Variants in TACC2 observed in about 807,000 individuals in gnomAD.
TACC2 encodes transforming acidic coiled-coil-containing protein 2.
TACC2 carries 137 observed loss-of-function variants against 227.3 expected under a neutral mutation model. The observed-to-expected ratio is 0.60, with a 90% CI of 0.52 to 0.69. The LOEUF is 0.69. Among genes scored for constraint, TACC2 ranks in the 30% least tolerant of loss-of-function variants. The pLI is 0.00. For missense variants in TACC2, 3,470 were observed against 3,694.4 expected, an observed-to-expected ratio of 0.94 and a Z score of 1.57; for synonymous variants, 1,523 against 1,487.5, an observed-to-expected ratio of 1.02 and a Z score of -0.55.
At position 122,083,484 on chromosome 10, in the gene TACC2, T is replaced by G. The variant is rs1209705359; in HGVS notation, c.984T>G (p.Ala328=). The change falls in exon 4 of 23, where the codon GCT becomes GCG. Residue 328 remains alanine (A), a synonymous_variant. Coordinates refer to ENST00000369005, the MANE Select transcript of TACC2 (RefSeq NM_206862.4). ...CCCCAGAAGCAGAAGTGAATGCCGC[T>G]TCCCAGGAGAGCTGCCAGCAGCCAG... The part of the protein sequence containing the change: ...GAAPEAEVNA[A]SQESCQQPVG... 3.1e-6 allele frequency: 5 copies of G among 1,613,106 alleles called. No individual in the cohort carries two copies. In the East Asian group the frequency reaches 8.9e-5, roughly 29 times the overall value.
At chr10:122,057,649 A>G (rs1262354835) in intron 3 of TACC2, among the ~76,000 whole-genome samples, 1 of 54,894 alleles carries the variant, frequency 1.8e-5, no homozygotes, top group Non-Finnish European at 4.6e-5. Context: ...CTAAAAATAA[A>G]AAATTAAAAA....
At chr10:122,098,425 G>T (rs1407068158) in intron 5 of TACC2, among the ~76,000 whole-genome samples, 1 of 152,154 alleles carries the variant, frequency 6.6e-6, no homozygotes, top group Admixed American at 6.5e-5. Flanking sequence ...TATCAGGTGA[G>T]TCTGAGGGTT....
chr10:122,117,558 A>G (rs1189930286), intron 5 of TACC2, among the ~76,000 whole-genome samples: 1 of 152,094 alleles, frequency 6.6e-6, no homozygotes. Context: ...ACACACGAAT[A>G]TGGGGCTCTT....
chr10:122,029,426 A>G (rs1324631604), intron 2 of TACC2, among the ~76,000 whole-genome samples: 1 of 152,130 alleles, frequency 6.6e-6, no homozygotes, highest in African/African-American at 2.4e-5. Flanking sequence ...AGACTTTTGT[A>G]TCTAAATTCG....
chr10:122,219,003 C>G (rs1255727889), intron 11 of TACC2, among the ~76,000 whole-genome samples: 1 of 123,756 alleles, frequency 8.1e-6, no homozygotes, highest in Non-Finnish European at 1.6e-5. Flanking sequence ...GCCTGGGTGA[C>G]AGTGAGACTC....
chr10:122,125,684 G>T (rs10887088), intron 5 of TACC2, among the ~76,000 whole-genome samples: 1 of 151,956 alleles, frequency 6.6e-6, no homozygotes, highest in African/African-American at 2.4e-5. Context: ...ATTGGTGCCT[G>T]CCAGGTTTAT....
intron 1 of TACC2, among the ~76,000 whole-genome samples, chr10:122,007,546 T>C (rs188509250): frequency 6.6e-6 from 1 of 152,322 alleles, no homozygotes; most frequent in Admixed American, 6.5e-5. Flanking sequence ...CTTGTTGACC[T>C]TCTTCTTGTC....
intron 8 of TACC2, among the ~76,000 whole-genome samples, chr10:122,204,373 C>A (rs1055577499): frequency 6.6e-6 from 1 of 152,194 alleles, no homozygotes. Context: ...AGTCAGTAAC[C>A]GGCTGAGCCC....
At chr10:122,067,626 C>T (rs2077530525) in intron 3 of TACC2, among the ~76,000 whole-genome samples, 1 of 151,794 alleles carries the variant, frequency 6.6e-6, no homozygotes, top group South Asian at 2.1e-4. Flanking sequence ...CCTGCCTCAG[C>T]CCCCCAAGTA....
At position 122,085,512 on chromosome 10, in the gene TACC2, C is replaced by T; in HGVS notation, c.3012C>T (p.Gly1004=). Residue 1004 remains glycine, a synonymous_variant, in exon 4 of 23, where the codon GGC becomes GGT. Transcript: ENST00000369005. ...QQALADALEE[G]SQHEEACQRH... is the part of the protein sequence containing the mutation. ...CATTGGCTGATGCCTTGGAAGAAGGCAGCCAGCATGAAGAAGCATGTCAAA... is the reference window on the plus strand; with the variant it reads ...CATTGGCTGATGCCTTGGAAGAAGGTAGCCAGCATGAAGAAGCATGTCAAA... 6.2e-7 allele frequency: 1 copy of T among 1,613,534 alleles called. No homozygotes were observed. The highest frequency in any genetic ancestry group is 8.5e-7 in the Non-Finnish European group (1 of 1,180,050).
rs1589974709 is a variant in TACC2 at position 122,249,645 on chromosome 10, A to G, written c.8762A>G (p.Glu2921Gly). 1 of 1,613,646 alleles carries G rather than the reference A, an allele frequency of 6.2e-7. No homozygotes were observed. The highest frequency in any genetic ancestry group is 8.5e-7 in the Non-Finnish European group (1 of 1,179,808). The part of the protein sequence containing the change: ...RKEQLRVDAL[E>G]RTLEQKNKEI... ...GAGCAGCTGCGAGTGGACGCCCTGGAAAGGACGCTGGAGCAGAAGGTAATA... is the reference window on the plus strand; with the variant it reads ...GAGCAGCTGCGAGTGGACGCCCTGGGAAGGACGCTGGAGCAGAAGGTAATA... Residue 2921 changes from glutamate to glycine, a missense_variant, in exon 22 of 23, where the codon GAA becomes GGA. Transcript: ENST00000369005.
intron 7 of TACC2, among the ~76,000 whole-genome samples, chr10:122,148,998 G>T (rs1174923913): frequency 2.0e-5 from 3 of 152,234 alleles, no homozygotes; most frequent in Non-Finnish European, 4.4e-5. Context: ...GAGGCTTTGT[G>T]GGGTCAGCAG....
At position 122,021,103 on chromosome 10, in the gene TACC2, G is replaced by A. The variant is rs998167996; in HGVS notation, c.-45-834G>A. Among the ~76,000 whole-genome samples the A allele has an allele frequency of 6.6e-5, 10 of 152,178 alleles. No homozygotes were observed. In the East Asian group the frequency reaches 7.7e-4, roughly 12 times the overall value. On this transcript the variant is annotated intron_variant, in intron 1 of 22. Coordinates refer to ENST00000369005, the MANE Select transcript of TACC2 (RefSeq NM_206862.4). ...AAATTAGCCAGGTGTGGTGGCGGGC[G>A]TCTGTAATCCCAGCTACTCAGGAGG...
At chr10:122,057,883 C>G (rs2076371267) in intron 3 of TACC2, among the ~76,000 whole-genome samples, 1 of 152,086 alleles carries the variant, frequency 6.6e-6, no homozygotes, top group Non-Finnish European at 1.5e-5. Flanking sequence ...GGTCAGACAA[C>G]CTTCCCGTAC....
intron 1 of TACC2, among the ~76,000 whole-genome samples, chr10:121,998,633 T>C (rs139962979): frequency 2.0e-5 from 3 of 152,116 alleles, no homozygotes; most frequent in Non-Finnish European, 4.4e-5. Context: ...CTACTCTGAA[T>C]TTGTGACCTA....
intron 2 of TACC2, among the ~76,000 whole-genome samples, chr10:122,036,672 T>C (rs1394155873): frequency 6.6e-6 from 1 of 152,082 alleles, no homozygotes; most frequent in African/African-American, 2.4e-5. Flanking sequence ...GGCTAATTTT[T>C]GTATTTTTGG....
chr10:122,097,804 C>G (rs2081627631), intron 5 of TACC2, among the ~76,000 whole-genome samples: 1 of 152,136 alleles, frequency 6.6e-6, no homozygotes, highest in Non-Finnish European at 1.5e-5. Context: ...ACACCCGACA[C>G]AAAGTCAGCT....
Position 122,211,156 on chromosome 10 carries a change from A to T in TACC2, c.6731A>T (p.Glu2244Val), listed in dbSNP as rs892825068. The change falls in exon 9 of 23, where the codon GAG becomes GTG. Residue 2244 changes from glutamate (E) to valine (V), a missense_variant. Transcript: ENST00000369005. Reference sequence around the variant, plus strand: ...CTTACCACGGCCCCGGAGGCAGGGGAGGTAACCCCATCGGATAGCGGGGGG... The same window carrying T: ...CTTACCACGGCCCCGGAGGCAGGGGTGGTAACCCCATCGGATAGCGGGGGG... ...LPLTTAPEAGEVTPSDSGGQE... is the reference protein window; with the variant it reads ...LPLTTAPEAGVVTPSDSGGQE... 8 of 1,610,860 alleles carry T rather than the reference A, an allele frequency of 5.0e-6. No homozygotes were observed. In the Admixed American group the frequency reaches 1.3e-4, roughly 27 times the overall value.
chr10:122,005,469 CCACCTCCTGGGTT>C (rs1291718533), intron 1 of TACC2, among the ~76,000 whole-genome samples: 1 of 150,868 alleles, frequency 6.6e-6, no homozygotes, highest in African/African-American at 2.4e-5. Flanking sequence ...ACTGCAAGCT[CCACCTCCTGGGTT>C]CACGCCATTC....
Sources: allele counts gnomAD v4.1 joint callset (sites outside exome capture counted in the v4.1 genomes callset), GRCh38; gene constraint gnomAD v4.1.1; transcripts MANE v1.5; gene names NCBI Gene and HGNC (gene_info 2026-07-23, HGNC 2026-07-21).